The following TTC28 variants were observed in gnomAD, a reference collection of about 807,000 sequenced individuals.
The protein encoded by TTC28 is tetratricopeptide repeat protein 28.
In TTC28, 61 loss-of-function variants were observed where a neutral mutation model predicts 198.0. That is an observed-to-expected ratio of 0.31 (90% CI 0.25 to 0.38). The LOEUF (loss-of-function observed/expected upper bound fraction) is 0.38. TTC28 is among the 10% of genes least tolerant of loss of function. The pLI, the probability that TTC28 is intolerant of heterozygous loss-of-function variation, is 1.00. For synonymous variants in TTC28, 1,171 were observed against 1,297.8 expected, an observed-to-expected ratio of 0.90 and a Z score of 2.10; for missense variants, 2,678 against 3,164.0, an observed-to-expected ratio of 0.85 and a Z score of 3.69.
At chr22:28,347,975 C>T (rs1374652181) in intron 2 of TTC28, among the ~76,000 whole-genome samples, 1 of 152,232 alleles carries the variant, frequency 6.6e-6, no homozygotes, top group East Asian at 1.9e-4. Flanking sequence ...AGACTGGTAT[C>T]AACCAATCAA....
At position 28,335,926 on chromosome 22, in the gene TTC28, A is replaced by T. The variant is rs578158543; in HGVS notation, c.382-29283T>A. Among the ~76,000 whole-genome samples the T allele has an allele frequency of 9.2e-5, 14 of 152,342 alleles. No homozygotes were observed. In the East Asian group the frequency reaches 1.7e-3, roughly 19 times the overall value. Reference sequence around the variant, plus strand: ...ATCCCTGTCTTGTGCCAGTTTTCAAAGGGAATGCTTCCAGTTTTTGGCCAT... The same window carrying T: ...ATCCCTGTCTTGTGCCAGTTTTCAATGGGAATGCTTCCAGTTTTTGGCCAT... On this transcript the variant is annotated intron_variant, in intron 2 of 22. Transcript: ENST00000397906.
chr22:28,216,847 G>A (rs538196761), intron 5 of TTC28, among the ~76,000 whole-genome samples: 16 of 152,044 alleles, frequency 1.1e-4, no homozygotes, highest in African/African-American at 2.9e-4. Flanking sequence ...TCAGCCTTCC[G>A]AGTAGCTCAG....
chr22:27,994,086 C>T (rs966837582), intron 17 of TTC28, among the ~76,000 whole-genome samples: 4 of 152,226 alleles, frequency 2.6e-5, no homozygotes, highest in African/African-American at 9.6e-5. Flanking sequence ...TGAAGTCACC[C>T]AAGTCACTGC....
rs557934493 is a variant in TTC28, at chr22:28,021,081, G to A, written c.4074-6689C>T. Among the ~76,000 whole-genome samples, 152 of 152,342 alleles carry A rather than the reference G, an allele frequency of 1.0e-3. 1 individual carries two copies. The highest frequency in any genetic ancestry group is 3.4e-3 in the African/African-American group (143 of 41,572). ...AGAACACAGCACTGCCTCCTTGGCA[G>A]AGAAGCGTCTACGTGGGGTCAGCAG... On this transcript the variant is annotated intron_variant, in intron 13 of 22. Coordinates refer to ENST00000397906, the MANE Select transcript of TTC28 (RefSeq NM_001145418.2).
intron 2 of TTC28, among the ~76,000 whole-genome samples, chr22:28,484,546 T>C (rs1429837584): frequency 1.3e-5 from 2 of 152,144 alleles, no homozygotes; most frequent in Non-Finnish European, 2.9e-5. Flanking sequence ...GCCTCTGGGG[T>C]AGACAACCTC....
chr22:28,366,273 G>A (rs1226883668), intron 2 of TTC28, among the ~76,000 whole-genome samples: 1 of 152,054 alleles, frequency 6.6e-6, no homozygotes, highest in Non-Finnish European at 1.5e-5. Flanking sequence ...TGCCCACAAA[G>A]GCAAACCAAA....
chr22:28,395,301 C>T (rs1030129200), intron 2 of TTC28, among the ~76,000 whole-genome samples: 1 of 152,144 alleles, frequency 6.6e-6, no homozygotes, highest in African/African-American at 2.4e-5. Flanking sequence ...TCTTTCTCTT[C>T]CCTGCCTCCC....
intron 7 of TTC28, among the ~76,000 whole-genome samples, chr22:28,106,568 G>A (rs975927648): frequency 4.6e-5 from 7 of 152,122 alleles, no homozygotes; most frequent in Non-Finnish European, 1.0e-4. Flanking sequence ...GATGATGCAT[G>A]CAACATAGTA....
intron 1 of TTC28, among the ~76,000 whole-genome samples, chr22:28,643,626 T>G (rs540608915): frequency 6.6e-6 from 1 of 152,240 alleles, no homozygotes. Context: ...GAAAAAATTA[T>G]GTCTTAAGAT....
intron 2 of TTC28, among the ~76,000 whole-genome samples, chr22:28,587,880 G>C (rs540715168): frequency 6.6e-6 from 1 of 152,150 alleles, no homozygotes; most frequent in South Asian, 2.1e-4. Context: ...AGTGGCTCAA[G>C]CCTGTAATCC....
At chr22:28,208,407 TG>T (rs767977248) in intron 5 of TTC28, among the ~76,000 whole-genome samples, 1 of 152,028 alleles carries the variant, frequency 6.6e-6, no homozygotes, top group Non-Finnish European at 1.5e-5. Flanking sequence ...ACTTACAGGG[TG>T]GGTTGGTGAA....
chr22:28,103,991 G>A (rs900531345), intron 8 of TTC28, among the ~76,000 whole-genome samples: 9 of 152,186 alleles, frequency 5.9e-5, no homozygotes, highest in African/African-American at 1.9e-4. Flanking sequence ...GATAGAAGCG[G>A]AGGTAGATAA....
At chr22:28,062,952 T>C in intron 12 of TTC28, among the ~76,000 whole-genome samples, 1 of 152,190 alleles carries the variant, frequency 6.6e-6, no homozygotes, top group East Asian at 1.9e-4. Context: ...GTTCTTTAAA[T>C]GTGAAATAAA....
intron 6 of TTC28, among the ~76,000 whole-genome samples, chr22:28,149,906 C>CA (rs1282134809): frequency 6.6e-6 from 1 of 151,662 alleles, no homozygotes; most frequent in Non-Finnish European, 1.5e-5. Flanking sequence ...TTCTCACCAG[C>CA]AAAAAAATGG....
At chr22:28,566,841 T>C (rs2049976946) in intron 2 of TTC28, among the ~76,000 whole-genome samples, 1 of 152,142 alleles carries the variant, frequency 6.6e-6, no homozygotes, top group Admixed American at 6.5e-5. Context: ...ACCAGCACTT[T>C]AGGAAGCTGA....
At chr22:28,475,460 C>T (rs2048151414) in intron 2 of TTC28, among the ~76,000 whole-genome samples, 1 of 152,156 alleles carries the variant, frequency 6.6e-6, no homozygotes, top group Non-Finnish European at 1.5e-5. Context: ...AGCGTGCAAA[C>T]TCTACCCAGT....
chr22:28,267,158 C>A (rs1931735510), intron 5 of TTC28, among the ~76,000 whole-genome samples: 1 of 152,172 alleles, frequency 6.6e-6, no homozygotes, highest in South Asian at 2.1e-4. Context: ...GTACTACACA[C>A]TGGGCCAAGT....
At chr22:28,177,533 T>A (rs1436375757) in intron 5 of TTC28, among the ~76,000 whole-genome samples, 3 of 152,218 alleles carry the variant, frequency 2.0e-5, no homozygotes, top group Non-Finnish European at 4.4e-5. Flanking sequence ...TGAACACATG[T>A]CCACACGAAA....
Position 27,998,545 on chromosome 22 carries a change from C to A in TTC28, c.5114G>T (p.Trp1705Leu). ...GCAGCCAGCCGAACTCCCACCTGCC[C>A]AGTTGGAGGGGTGCGAGAAGGCCTT... ...SSKAFSHPSNWAGFMLIGSDV... is the reference protein window; with the variant it reads ...SSKAFSHPSNLAGFMLIGSDV... The change falls in exon 16 of 23, where the codon TGG becomes TTG. Residue 1705 changes from tryptophan (W) to leucine (L), a missense_variant. Physicochemically the swap from Trp to Leu is moderately conservative, Grantham distance 61. Coordinates refer to ENST00000397906, the MANE Select transcript of TTC28 (RefSeq NM_001145418.2). The A allele has an allele frequency of 1.3e-6, 2 of 1,548,952 alleles. No homozygotes were observed. Among genetic ancestry groups the A allele is most frequent in the Non-Finnish European group, 1.7e-6 (2 of 1,145,988 alleles).
Sources: gnomAD v4.1 joint callset for allele counts (sites outside exome capture counted in the v4.1 genomes callset) on GRCh38, gnomAD v4.1.1 for gene constraint, MANE v1.5 for transcripts, NCBI Gene and HGNC (gene_info 2026-07-23, HGNC 2026-07-21) for gene names.